HERC1: variants seen among roughly 807,000 people sequenced by gnomAD.
The protein encoded by HERC1 is probable E3 ubiquitin-protein ligase HERC1.
Under a neutral mutation model 554.3 loss-of-function variants are expected in HERC1, and 160 were observed. The ratio of observed to expected loss-of-function variants is 0.29; its 90% CI spans 0.25 to 0.33. The LOEUF is 0.33. Ranked by LOEUF, HERC1 falls within the 10% of genes least tolerant of loss-of-function variation. The pLI is 1.00. For missense variants in HERC1, 4,919 were observed against 5,918.5 expected, an observed-to-expected ratio of 0.83 and a Z score of 5.54; for synonymous variants, 2,175 against 2,131.7, an observed-to-expected ratio of 1.02 and a Z score of -0.56.
intron 43 of HERC1, 54 bp downstream of exon 43, chr15:63,664,416 T>C (rs2070510747): frequency 1.9e-6 from 3 of 1,553,826 alleles, no homozygotes; most frequent in Non-Finnish European, 1.8e-6. Flanking sequence ...TGCCTTTACA[T>C]TGCTTTCAAA....
intron 22 of HERC1, among the ~76,000 whole-genome samples, chr15:63,714,378 T>C (rs578115514): frequency 3.9e-5 from 6 of 152,188 alleles, no homozygotes; most frequent in African/African-American, 1.2e-4. Flanking sequence ...TGGGGCAAGA[T>C]TGCCTCCAGA....
rs1212791373 is a variant in HERC1 at position 63,756,104 on chromosome 15, T to A, written c.1533+333A>T. On this transcript the variant is annotated intron_variant, in intron 5 of 77. Coordinates refer to ENST00000443617, the MANE Select transcript of HERC1 (RefSeq NM_003922.4). The surrounding 1 kb of genome is among the most constrained non-coding windows in gnomAD (Gnocchi z 5.0). ...AGACTAAAGGATTAAAGTAGAGACC[T>A]TATCTGTCTTGTTCACTGCTACAAG... 6.6e-6 allele frequency among the ~76,000 whole-genome samples: 1 copy of A among 152,230 alleles called. No individual in the cohort carries two copies. The highest frequency in any genetic ancestry group is 1.5e-5 in the Non-Finnish European group (1 of 68,040).
At chr15:63,711,244 G>A (rs1009111727) in intron 24 of HERC1, among the ~76,000 whole-genome samples, 3 of 152,214 alleles carry the variant, frequency 2.0e-5, no homozygotes, top group African/African-American at 7.2e-5. Flanking sequence ...AGGATTGCTT[G>A]AGCTCAGGAG....
intron 34 of HERC1, among the ~76,000 whole-genome samples, chr15:63,683,899 A>G (rs2071610241): frequency 6.6e-6 from 1 of 152,234 alleles, no homozygotes; most frequent in Non-Finnish European, 1.5e-5. Context: ...CCTGACTATA[A>G]GCTAAAACCT....
intron 34 of HERC1, among the ~76,000 whole-genome samples, chr15:63,684,755 C>T (rs1185918803): frequency 2.6e-5 from 4 of 152,158 alleles, no homozygotes; most frequent in Non-Finnish European, 5.9e-5. Context: ...CACCTGTAAT[C>T]CCAGCACTTT....
intron 2 of HERC1, among the ~76,000 whole-genome samples, chr15:63,773,068 T>A (rs1015880054): frequency 1.7e-4 from 26 of 152,186 alleles, no homozygotes. Flanking sequence ...TATACATATA[T>A]CATTTATAAG....
chr15:63,654,352 G>A (rs776328215), intron 50 of HERC1, 28 bp from the exon 51 acceptor site: 10 of 1,566,500 alleles, frequency 6.4e-6, no homozygotes. Context: ...TAGGAAGGAT[G>A]GGCATACAAT....
intron 8 of HERC1, among the ~76,000 whole-genome samples, chr15:63,752,356 T>C (rs1456916362): frequency 6.6e-6 from 1 of 152,118 alleles, no homozygotes; most frequent in Non-Finnish European, 1.5e-5. Context: ...GGGACAAATA[T>C]TGTCAGTCTA....
intron 1 of HERC1, among the ~76,000 whole-genome samples, chr15:63,810,448 T>C (rs777347849): frequency 6.6e-6 from 1 of 152,058 alleles, no homozygotes; most frequent in Non-Finnish European, 1.5e-5. Flanking sequence ...GCTATATATA[T>C]GAATGCATTA....
At chr15:63,720,103 C>CATTTTTTTTTTTTTTTTTTTTTT (rs2073747290) in intron 19 of HERC1, among the ~76,000 whole-genome samples, 2 of 71,596 alleles carry the variant, frequency 2.8e-5, no homozygotes, top group African/African-American at 1.2e-4. Context: ...TTTTTCTTCC[C>CATTTTTTTTTTTTTTTTTTTTTT]TTTTTTTTTT....
Position 63,637,613 on chromosome 15 carries a change from T to C in HERC1, c.12124A>G (p.Ile4042Val). The C allele has an allele frequency of 1.9e-6, 3 of 1,552,644 alleles. No individual in the cohort carries two copies. The East Asian group carries it at 7.3e-5, about 38-fold the overall frequency. The change falls in exon 64 of 78, where the codon ATC becomes GTC. Residue 4042 changes from isoleucine to valine, a missense_variant. Ile to Val is a conservative substitution (Grantham distance 29). This residue lies in a region of HERC1 where 122 missense variants were observed against 195.2 expected (regional missense o/e 0.63). Coordinates refer to ENST00000443617, the MANE Select transcript of HERC1 (RefSeq NM_003922.4). Reference sequence around the variant, plus strand: ...GCCAACACTGTGCCATTGGCCTGGATGACAAAGGTACAATTCTGACCACAA... The same window carrying C: ...GCCAACACTGTGCCATTGGCCTGGACGACAAAGGTACAATTCTGACCACAA... ...VICGQNCTFV[I>V]QANGTVLACG... is the part of the protein sequence containing the mutation.
intron 64 of HERC1, among the ~76,000 whole-genome samples, chr15:63,636,732 G>T (rs887463732): frequency 2.6e-5 from 4 of 152,092 alleles, no homozygotes; most frequent in African/African-American, 9.7e-5. Context: ...GCTTTACATG[G>T]ATTATCTCAT....
At chr15:63,617,973 G>A (rs2067898057) in intron 74 of HERC1, among the ~76,000 whole-genome samples, 1 of 152,040 alleles carries the variant, frequency 6.6e-6, no homozygotes, top group Non-Finnish European at 1.5e-5. Context: ...CACTCTGATG[G>A]TAGTTTCTTT....
intron 1 of HERC1, among the ~76,000 whole-genome samples, chr15:63,798,642 T>C (rs779439916): frequency 4.7e-4 from 71 of 152,276 alleles, no homozygotes; most frequent in Non-Finnish European, 8.8e-4. Context: ...GACCTACAAT[T>C]ATTTAGGATT....
At chr15:63,644,820 T>G (rs2069249000) in intron 57 of HERC1, among the ~76,000 whole-genome samples, 172 bp downstream of exon 57, 1 of 152,222 alleles carries the variant, frequency 6.6e-6, no homozygotes, top group Non-Finnish European at 1.5e-5. Context: ...AATTATGGTA[T>G]CTCTGATTTA....
At chr15:63,674,250 T>TA (rs2071084810) in intron 38 of HERC1, 92 bp downstream of exon 38, 9 of 1,118,682 alleles carry the variant, frequency 8.0e-6, no homozygotes, top group Non-Finnish European at 1.1e-5. Flanking sequence ...TTTTTTTTTT[T>TA]ACAAATCACT....
Position 63,664,609 on chromosome 15 carries a change from G to A in HERC1, c.8556-15C>T, listed in dbSNP as rs773901422. 2 of 1,608,412 alleles carry A rather than the reference G, an allele frequency of 1.2e-6. No homozygotes were observed. Among genetic ancestry groups the A allele is most frequent in the Non-Finnish European group, 1.7e-6 (2 of 1,176,224 alleles). On this transcript the variant is annotated splice_polypyrimidine_tract_variant and intron_variant, in intron 42 of 77. Coordinates refer to ENST00000443617, the MANE Select transcript of HERC1 (RefSeq NM_003922.4). ...AATTATCAGGGCTACAAGTGCAAGT[G>A]AGAAAGCAACACAAAGTTTTTGAAA... is the stretch of plus-strand genomic sequence containing the variant.
At position 63,633,922 on chromosome 15, in the gene HERC1, T is replaced by C. The variant is rs1338367602; in HGVS notation, c.12619A>G (p.Met4207Val). 3 of 1,613,910 alleles carry C rather than the reference T, an allele frequency of 1.9e-6. No homozygotes were observed. Among genetic ancestry groups the C allele is most frequent in the Non-Finnish European group, 2.5e-6 (3 of 1,179,844 alleles). Residue 4207 changes from methionine to valine, a missense_variant, in exon 67 of 78, where the codon ATG becomes GTG. Physicochemically the swap from Met to Val is conservative, Grantham distance 21. Transcript: ENST00000443617. ...HTLAVSADGS[M>V]VWAFGDGDYG... ...TCTCCATCTCCAAAAGCCCACACCATGGAACCATCTGCTGACACTGCCAAA... is the reference window on the plus strand; with the variant it reads ...TCTCCATCTCCAAAAGCCCACACCACGGAACCATCTGCTGACACTGCCAAA...
chr15:63,735,225 T>G (rs2074448095), intron 12 of HERC1, among the ~76,000 whole-genome samples: 1 of 151,070 alleles, frequency 6.6e-6, no homozygotes, highest in Non-Finnish European at 1.5e-5. Context: ...GTGAAAGGAG[T>G]CACATAGGGA....
Sources: allele counts gnomAD v4.1 joint callset (sites outside exome capture counted in the v4.1 genomes callset), GRCh38; gene constraint gnomAD v4.1.1; regional missense constraint gnomAD v4.1.1; non-coding constraint Gnocchi (gnomAD v3.1); transcripts MANE v1.5; gene names NCBI Gene and HGNC (gene_info 2026-07-23, HGNC 2026-07-21).